Variants in IMMP2L observed in about 807,000 individuals in gnomAD.
IMMP2L encodes the protein mitochondrial inner membrane protease subunit 2.
In IMMP2L, 18 loss-of-function variants were observed where a neutral mutation model predicts 19.3. The observed-to-expected ratio is 0.93, with a 90% confidence interval of 0.64 to 1.38. The LOEUF is 1.38. Among genes scored for constraint, IMMP2L ranks in the 40% most tolerant of loss-of-function variants. The pLI is 0.00. For missense variants in IMMP2L, 233 were observed against 218.2 expected, an observed-to-expected ratio of 1.07 and a Z score of -0.43; for synonymous variants, 76 against 73.0, an observed-to-expected ratio of 1.04 and a Z score of -0.21.
intron 5 of IMMP2L, among the ~76,000 whole-genome samples, chr7:110,837,090 A>G (rs1804557575): frequency 6.6e-6 from 1 of 152,192 alleles, no homozygotes; most frequent in African/African-American, 2.4e-5. Context: ...TAATGGCACA[A>G]AACTAAAAAC....
At chr7:111,003,466 T>C (rs982641331) in intron 3 of IMMP2L, among the ~76,000 whole-genome samples, 1 of 152,072 alleles carries the variant, frequency 6.6e-6, no homozygotes, top group South Asian at 2.1e-4. Flanking sequence ...CGAATAAAAA[T>C]TGTAATTGCC....
intron 3 of IMMP2L, among the ~76,000 whole-genome samples, chr7:111,119,315 G>T (rs559444808): frequency 3.9e-5 from 6 of 152,156 alleles, no homozygotes; most frequent in Non-Finnish European, 8.8e-5. Flanking sequence ...AAATGAGCAT[G>T]CATACGGAAT....
Position 111,124,126 on chromosome 7 carries a change from C to G in IMMP2L, c.240-160561G>C, listed in dbSNP as rs1010497113. On this transcript the variant is annotated intron_variant, in intron 3 of 5. Coordinates refer to ENST00000405709, the MANE Select transcript of IMMP2L (RefSeq NM_032549.4). ...CTGTAGAGCTACTGCAGAACCACAG[C>G]CTGAAATCTACTGGATAACACCTTC... The G allele has an allele frequency of 1.9e-6, 3 of 1,613,998 alleles. No homozygotes were observed. In the African/African-American group the frequency reaches 4.0e-5, roughly 22 times the overall value.
At chr7:111,389,612 T>C (rs1832135501) in intron 3 of IMMP2L, among the ~76,000 whole-genome samples, 1 of 151,750 alleles carries the variant, frequency 6.6e-6, no homozygotes, top group Admixed American at 6.6e-5. Flanking sequence ...AGAGAGAGAA[T>C]ATGATAAAGC....
intron 3 of IMMP2L, among the ~76,000 whole-genome samples, chr7:111,253,379 A>G (rs1816356424): frequency 6.6e-6 from 1 of 152,158 alleles, no homozygotes; most frequent in Non-Finnish European, 1.5e-5. Context: ...AGGGATGTGC[A>G]TGCCTCAGAA....
At chr7:111,119,242 AT>A (rs1800282755) in intron 3 of IMMP2L, among the ~76,000 whole-genome samples, 1 of 152,198 alleles carries the variant, frequency 6.6e-6, no homozygotes, top group Non-Finnish European at 1.5e-5. Flanking sequence ...TTTTTCCTTC[AT>A]TCTGGACATA....
intron 3 of IMMP2L, among the ~76,000 whole-genome samples, chr7:111,114,133 T>TACACACACAC (rs71151831): frequency 4.3e-4 from 63 of 146,580 alleles, no homozygotes; most frequent in African/African-American, 1.5e-3. Flanking sequence ...CACATAAATC[T>TACACACACAC]ACACACACAC....
intron 1 of IMMP2L, among the ~76,000 whole-genome samples, chr7:111,528,625 A>G (rs993773953): frequency 1.3e-5 from 2 of 152,164 alleles, no homozygotes; most frequent in Non-Finnish European, 2.9e-5. Context: ...TTGATCATGC[A>G]TTAATTCATC....
At chr7:111,174,521 C>A (rs867326498) in intron 3 of IMMP2L, among the ~76,000 whole-genome samples, 32 of 151,826 alleles carry the variant, frequency 2.1e-4, no homozygotes, top group Middle Eastern at 3.4e-3. Context: ...TTTCAAGGTT[C>A]AGAGTGGTTA....
At chr7:111,041,856 A>G (rs1791929835) in intron 3 of IMMP2L, among the ~76,000 whole-genome samples, 1 of 152,212 alleles carries the variant, frequency 6.6e-6, no homozygotes, top group Non-Finnish European at 1.5e-5. Context: ...TGTCAAGAGC[A>G]TAGGCTCTGA....
chr7:111,160,909 A>C (rs1805188158), intron 3 of IMMP2L, among the ~76,000 whole-genome samples: 1 of 151,528 alleles, frequency 6.6e-6, no homozygotes, highest in Non-Finnish European at 1.5e-5. Context: ...GAAATTGAAA[A>C]GGTAACATAA....
chr7:110,857,709 T>C (rs1024939232), intron 5 of IMMP2L, among the ~76,000 whole-genome samples: 1 of 152,094 alleles, frequency 6.6e-6, no homozygotes, highest in Admixed American at 6.6e-5. Context: ...CCTGAGGCAC[T>C]TGAGGCTCCT....
chr7:110,683,719 C>T (rs376530260), intron 5 of IMMP2L, among the ~76,000 whole-genome samples: 11 of 152,040 alleles, frequency 7.2e-5, no homozygotes, highest in African/African-American at 2.4e-4. Flanking sequence ...AATGTCAGTC[C>T]TAGTATTGAC....
chr7:110,769,066 G>T (rs573330315), intron 5 of IMMP2L, among the ~76,000 whole-genome samples: 1 of 152,238 alleles, frequency 6.6e-6, no homozygotes, highest in East Asian at 1.9e-4. Context: ...GTACGTTTTT[G>T]CCTGATAGCA....
chr7:111,333,334 G>A lies in IMMP2L; in HGVS notation c.239+153904C>T, dbSNP rs149051424. Among the ~76,000 whole-genome samples the A allele has an allele frequency of 5.0e-4, 76 of 152,012 alleles. No homozygotes were observed. The East Asian group carries it at 0.014, about 27-fold the overall frequency. ...CTTTAAATGTGACATAAGATTCATTGACTTGCTATCAGCATTTAAGTGTTG... is the reference window on the plus strand; with the variant it reads ...CTTTAAATGTGACATAAGATTCATTAACTTGCTATCAGCATTTAAGTGTTG... On this transcript the variant is annotated intron_variant, in intron 3 of 5. Coordinates refer to ENST00000405709, the MANE Select transcript of IMMP2L (RefSeq NM_032549.4).
chr7:111,289,522 T>C (rs1375087847), intron 3 of IMMP2L, among the ~76,000 whole-genome samples: 2 of 152,072 alleles, frequency 1.3e-5, no homozygotes, highest in African/African-American at 2.4e-5. Flanking sequence ...ATCGTTATCA[T>C]GATGAACTGA....
rs115477047 is a variant in IMMP2L at position 111,515,292 on chromosome 7, C to T, written c.135+6021G>A. Reference sequence around the variant, plus strand: ...GTGAATTCAAACCTCAATTCCACATCAGGGCTTTCTCTCTCAGAGCCTAGA... The same window carrying T: ...GTGAATTCAAACCTCAATTCCACATTAGGGCTTTCTCTCTCAGAGCCTAGA... On this transcript the variant is annotated intron_variant, in intron 2 of 5. Transcript: ENST00000405709. 5.6e-3 allele frequency among the ~76,000 whole-genome samples: 856 copies of T among 152,234 alleles called. 13 individuals carry two copies. Among genetic ancestry groups the T allele is most frequent in the African/African-American group, 0.019 (789 of 41,548 alleles).
At chr7:111,520,745 T>C (rs1052903949) in intron 2 of IMMP2L, among the ~76,000 whole-genome samples, 1 of 152,116 alleles carries the variant, frequency 6.6e-6, no homozygotes, top group African/African-American at 2.4e-5. Flanking sequence ...TAGGACAACA[T>C]AATTTTCTCT....
intron 3 of IMMP2L, among the ~76,000 whole-genome samples, chr7:111,440,931 G>T (rs550746123): frequency 1.3e-5 from 2 of 151,990 alleles, no homozygotes; most frequent in Admixed American, 1.3e-4. Flanking sequence ...TACATGTTAT[G>T]AAAGTGGTTT....
Sources: allele counts gnomAD v4.1 joint callset (sites outside exome capture counted in the v4.1 genomes callset), GRCh38; gene constraint gnomAD v4.1.1; transcripts MANE v1.5; gene names NCBI Gene and HGNC (gene_info 2026-07-23, HGNC 2026-07-21).